Variants in LPA observed in about 807,000 individuals in gnomAD.
The protein encoded by LPA is lipoprotein(a).
In LPA, 199 loss-of-function variants were observed where a neutral mutation model predicts 197.9. The observed-to-expected ratio is 1.01, with a 90% CI of 0.90 to 1.13. The LOEUF is 1.13. Ranked by LOEUF, LPA falls within the 50% of genes most tolerant of loss-of-function variation. The pLI is 0.00. For synonymous variants in LPA, 715 were observed against 639.5 expected, an observed-to-expected ratio of 1.12 and a Z score of -1.78; for missense variants, 1,853 against 1,785.8, an observed-to-expected ratio of 1.04 and a Z score of -0.68.
intron 1 of LPA, among the ~76,000 whole-genome samples, chr6:160,662,879 T>C (rs1391018874): frequency 6.6e-6 from 1 of 152,192 alleles, no homozygotes; most frequent in Non-Finnish European, 1.5e-5. Context: ...CATCTAACTA[T>C]GTATGTGCTT....
chr6:160,655,166 A>G (rs1780111174), intron 1 of LPA, among the ~76,000 whole-genome samples: 2 of 152,226 alleles, frequency 1.3e-5, no homozygotes, highest in Admixed American at 1.3e-4. Flanking sequence ...TTCAGGTAGC[A>G]TGGTGACTTT....
intron 21 of LPA, among the ~76,000 whole-genome samples, chr6:160,594,627 G>C (rs1286410550): frequency 6.6e-6 from 1 of 152,210 alleles, no homozygotes; most frequent in Non-Finnish European, 1.5e-5. Context: ...GTCTCTCAGA[G>C]AGGGCTACTG....
chr6:160,560,399 CCCA>C (rs1388820637), intron 28 of LPA, among the ~76,000 whole-genome samples: 1 of 152,214 alleles, frequency 6.6e-6, no homozygotes, highest in East Asian at 1.9e-4. Flanking sequence ...AATTTACACT[CCCA>C]CCAACAGTGT....
chr6:160,556,702 A>G (rs919474213), intron 29 of LPA, among the ~76,000 whole-genome samples: 2 of 152,154 alleles, frequency 1.3e-5, no homozygotes, highest in Admixed American at 1.3e-4. Flanking sequence ...GATGGAGGCT[A>G]AAATCTTATT....
At position 160,585,096 on chromosome 6, in the gene LPA, C is replaced by G. The variant is rs535318353; in HGVS notation, c.4239G>C (p.Ser1413=). Residue 1413 remains serine (S), a synonymous_variant, in exon 26 of 39, where the codon TCG becomes TCC. Coordinates refer to ENST00000316300, the MANE Select transcript of LPA (RefSeq NM_005577.4). ...TITGRTCQSW[S]SMTPHWHRRI... ...TCCGATGCCAATGTGGTGTCATAGA[C>G]GACCAAGACTGACATGTTCTTCCTG... The G allele has an allele frequency of 1.2e-6, 2 of 1,613,750 alleles. No individual in the cohort carries two copies. The highest frequency in any genetic ancestry group is 1.1e-5 in the South Asian group (1 of 91,080).
intron 28 of LPA, among the ~76,000 whole-genome samples, chr6:160,571,123 C>T (rs375433016): frequency 6.6e-6 from 1 of 152,226 alleles, no homozygotes; most frequent in South Asian, 2.1e-4. Context: ...AGTTGATTTT[C>T]AATCTCTGAT....
In LPA at chr6:160,586,532, GT is replaced by G. The variant is rs754513296; in HGVS notation, c.4045del (p.Thr1349ArgfsTer5). 1.2e-6 allele frequency: 2 copies of G among 1,613,770 alleles called. No individual in the cohort carries two copies. The highest frequency in any genetic ancestry group is 2.2e-5 in the South Asian group (2 of 91,078). On this transcript the variant is annotated frameshift_variant, in exon 25 of 39. Coordinates refer to ENST00000316300, the MANE Select transcript of LPA (RefSeq NM_005577.4). LOFTEE classifies it high-confidence loss of function. ...PSVRWEYCNL[T>X]QCPVMESTLL... is the part of the protein sequence containing the mutation. ...AGTTGATTCCATCACTGGACATTGC[GT>G]CAGGTTGCAGTACTCCCATCTGACA... is the stretch of plus-strand genomic sequence containing the variant.
At chr6:160,540,740 A>G (rs2114998251) in intron 35 of LPA, among the ~76,000 whole-genome samples, 1 of 152,330 alleles carries the variant, frequency 6.6e-6, no homozygotes, top group Non-Finnish European at 1.5e-5. Flanking sequence ...ACATGTGCCA[A>G]TTAAACTCTT....
Position 160,612,571 on chromosome 6 carries a change from G to C in LPA, c.2443+361C>G, listed in dbSNP as rs1334918954. Among the ~76,000 whole-genome samples, 2 of 3,220 alleles carry C rather than the reference G, an allele frequency of 6.2e-4. 1 individual carries two copies. Among genetic ancestry groups the C allele is most frequent in the African/African-American group, 7.5e-4 (2 of 2,666 alleles). The allele number at this position is 3,220 out of a possible 152,430, so 2.1% of individuals were successfully genotyped here. A position where few individuals can be genotyped will look rare whatever the true frequency, so the allele number is the denominator to read the frequency against. The stretch of plus-strand genomic sequence containing the variant: ...ATGCTGAAGATTGCTCTGAATGCTG[G>C]CTACTTGAAGAAATCCCCGGAAAAG... On this transcript the variant is annotated intron_variant, in intron 15 of 38. Coordinates refer to ENST00000316300, the MANE Select transcript of LPA (RefSeq NM_005577.4).
chr6:160,649,669 C>T (rs534881052), intron 2 of LPA, among the ~76,000 whole-genome samples: 8 of 152,258 alleles, frequency 5.3e-5, no homozygotes, highest in South Asian at 2.1e-4. Flanking sequence ...GTCCAACAAG[C>T]GGAAATCATT....
rs899167241 is a variant in LPA at position 160,611,434 on chromosome 6, G to A, written c.2603+128C>T. 1.1e-5 allele frequency: 17 copies of A among 1,508,652 alleles called. No homozygotes were observed. The African/African-American group carries it at 1.9e-4, about 17-fold the overall frequency. 93.5% of individuals were successfully genotyped at this position (1,508,652 alleles called of 1,614,324 possible). A position where few individuals can be genotyped will look rare whatever the true frequency, so the allele number is the denominator to read the frequency against. On this transcript the variant is annotated intron_variant, in intron 16 of 38. Coordinates refer to ENST00000316300, the MANE Select transcript of LPA (RefSeq NM_005577.4). ...CCCTTAGCTCCAAGGAAATCATCCT[G>A]AGACATTTTGCTACACCATCTGAAT... is the stretch of plus-strand genomic sequence containing the variant.
At chr6:160,597,622 C>A (rs1461544017) in intron 20 of LPA, among the ~76,000 whole-genome samples, 1 of 152,170 alleles carries the variant, frequency 6.6e-6, no homozygotes, top group Non-Finnish European at 1.5e-5. Context: ...TTTAATAGTC[C>A]TTTAATTTGA....
chr6:160,564,782 G>C (rs1473054823), intron 28 of LPA, among the ~76,000 whole-genome samples: 1 of 152,086 alleles, frequency 6.6e-6, no homozygotes, highest in African/African-American at 2.4e-5. Flanking sequence ...CCGGAAAATC[G>C]GGACACTCCC....
intron 30 of LPA, among the ~76,000 whole-genome samples, chr6:160,552,381 G>A (rs1301019714): frequency 2.6e-5 from 4 of 152,078 alleles, no homozygotes; most frequent in African/African-American, 7.2e-5. Flanking sequence ...CTATAAGCAT[G>A]GTGTATATTT....
rs199609917 is a variant in LPA at position 160,590,970 on chromosome 6, G to A, written c.3761C>T (p.Ala1254Val). ...TTGTTCAGAAACAGCCGTGGACGTC[G>A]CAAGGACACTTGATTCTGTCACTGG... Reference protein sequence around the residue: ...QCPVTESSVLATSTAVSEQAP... With the variant: ...QCPVTESSVLVTSTAVSEQAP... Residue 1254 changes from alanine (A) to valine (V), a missense_variant, in exon 23 of 39, where the codon GCG (alanine) becomes GTG (valine). By Grantham distance (64) the Ala-to-Val change is moderately conservative. Transcript: ENST00000316300. 143 of 1,613,978 alleles carry A rather than the reference G, an allele frequency of 8.9e-5. No individual in the cohort carries two copies. Among genetic ancestry groups the A allele is most frequent in the African/African-American group, 8.0e-5 (6 of 75,040 alleles).
intron 28 of LPA, among the ~76,000 whole-genome samples, chr6:160,560,829 G>C (rs1778348847): frequency 6.6e-6 from 1 of 152,086 alleles, no homozygotes; most frequent in Non-Finnish European, 1.5e-5. Flanking sequence ...CATTGGTTTT[G>C]CTGTTTTAGT....
chr6:160,575,306 T>C (rs1407880933), intron 28 of LPA, among the ~76,000 whole-genome samples: 2 of 152,212 alleles, frequency 1.3e-5, no homozygotes, highest in African/African-American at 2.4e-5. Flanking sequence ...TGATCATATG[T>C]ATATTTTAAA....
At position 160,531,699 on chromosome 6, in the gene LPA, G is replaced by A. The variant is rs753018050; in HGVS notation, c.*30C>T. ...TTACCCACGTTTCAGCTTCTAAGTAGGTTGATGCTTCACTCTGTCTCCCGT... is the reference window on the plus strand; with the variant it reads ...TTACCCACGTTTCAGCTTCTAAGTAAGTTGATGCTTCACTCTGTCTCCCGT... On this transcript the variant is annotated 3_prime_UTR_variant, in exon 39 of 39. Coordinates refer to ENST00000316300, the MANE Select transcript of LPA (RefSeq NM_005577.4). The A allele has an allele frequency of 1.2e-6, 2 of 1,613,480 alleles. No individual in the cohort carries two copies. Among genetic ancestry groups the A allele is most frequent in the Non-Finnish European group, 1.7e-6 (2 of 1,179,512 alleles).
Position 160,611,290 on chromosome 6 carries a change from G to T in LPA, c.2603+272C>A, listed in dbSNP as rs568776640. ...GGTGTTGGGCAAGGGTAATCTAAGT[G>T]TTTGGTGGTTCGTCATTCTGACTTT... On this transcript the variant is annotated intron_variant, in intron 16 of 38. Coordinates refer to ENST00000316300, the MANE Select transcript of LPA (RefSeq NM_005577.4). Among the ~76,000 whole-genome samples the T allele has an allele frequency of 6.1e-4, 93 of 152,172 alleles. 1 individual carries two copies. The highest frequency in any genetic ancestry group is 2.2e-3 in the African/African-American group (92 of 41,486).
Sources: gnomAD v4.1 joint callset for allele counts (sites outside exome capture counted in the v4.1 genomes callset) on GRCh38, gnomAD v4.1.1 for gene constraint, MANE v1.5 for transcripts, NCBI Gene and HGNC (gene_info 2026-07-23, HGNC 2026-07-21) for gene names.